FARS2: variants seen among roughly 807,000 people sequenced by gnomAD.
The protein encoded by FARS2 is phenylalanine--tRNA ligase, mitochondrial.
FARS2 carries 40 observed loss-of-function variants against 46.4 expected under a neutral mutation model. The observed-to-expected ratio is 0.86, with a 90% CI of 0.67 to 1.12. The LOEUF (loss-of-function observed/expected upper bound fraction) is 1.12. FARS2 is among the 50% of genes most tolerant of loss of function. FARS2 has a pLI of 0.00. For missense variants in FARS2, 513 were observed against 567.9 expected, an observed-to-expected ratio of 0.90 and a Z score of 0.98; for synonymous variants, 234 against 214.9, an observed-to-expected ratio of 1.09 and a Z score of -0.78.
intron 2 of FARS2, among the ~76,000 whole-genome samples, chr6:5,393,652 C>T (rs1443546503): frequency 6.6e-6 from 1 of 151,280 alleles, no homozygotes; most frequent in Non-Finnish European, 1.5e-5. Context: ...CGAGACTCCA[C>T]CTAAAAAAAA....
chr6:5,593,052 C>T (rs1485372194), intron 5 of FARS2, among the ~76,000 whole-genome samples: 2 of 152,218 alleles, frequency 1.3e-5, no homozygotes, highest in African/African-American at 4.8e-5. Flanking sequence ...TCTCTGCTTT[C>T]TGCCTTATCT....
chr6:5,684,514 CA>C (rs1158241619), intron 6 of FARS2, among the ~76,000 whole-genome samples: 1 of 152,210 alleles, frequency 6.6e-6, no homozygotes, highest in Non-Finnish European at 1.5e-5. Context: ...CCTATGTTAG[CA>C]AATGCTGCGC....
intron 6 of FARS2, among the ~76,000 whole-genome samples, chr6:5,644,981 A>T (rs778663521): frequency 6.6e-6 from 1 of 152,208 alleles, no homozygotes; most frequent in African/African-American, 2.4e-5. Flanking sequence ...CTCAGAGCCG[A>T]CTCAGCACTT....
chr6:5,577,232 G>T (rs1773037903), intron 5 of FARS2, among the ~76,000 whole-genome samples: 1 of 151,990 alleles, frequency 6.6e-6, no homozygotes, highest in East Asian at 1.9e-4. Context: ...GCTTGAGAAG[G>T]TAATTATAGA....
At chr6:5,735,150 C>T (rs946991226) in intron 6 of FARS2, among the ~76,000 whole-genome samples, 9 of 152,218 alleles carry the variant, frequency 5.9e-5, no homozygotes, top group African/African-American at 1.4e-4. Context: ...TTTTACTCTA[C>T]GTACCCCTGG....
intron 3 of FARS2, among the ~76,000 whole-genome samples, chr6:5,405,162 A>G (rs562474900): frequency 2.0e-5 from 3 of 152,238 alleles, no homozygotes; most frequent in African/African-American, 7.2e-5. Context: ...CACGAAATTC[A>G]TTTGTATTTC....
rs1762656288 is a variant in FARS2, at chr6:5,764,601, T to TGAATA, written c.1218-6687_1218-6683dup. 6.6e-6 allele frequency among the ~76,000 whole-genome samples: 1 copy of TGAATA among 152,194 alleles called. No individual in the cohort carries two copies. The highest frequency in any genetic ancestry group is 1.5e-5 in the Non-Finnish European group (1 of 68,030). On this transcript the variant is annotated intron_variant, in intron 6 of 6. Transcript: ENST00000274680. This position sits in a 1 kb window ranked among gnomAD's most constrained non-coding sequence, Gnocchi z 4.1. ...TCTCTCCCGTTGAGTAATCCCTGCA[T>TGAATA]GAATAGATGGCAGCTGCAGTGACTG...
At chr6:5,385,581 C>T (rs1760072775) in intron 2 of FARS2, among the ~76,000 whole-genome samples, 1 of 151,956 alleles carries the variant, frequency 6.6e-6, no homozygotes, top group Non-Finnish European at 1.5e-5. Flanking sequence ...ACTACCATGC[C>T]CAGCTAATTT....
Position 5,370,613 on chromosome 6 carries a change from A to G in FARS2, c.612+1431A>G, listed in dbSNP as rs141853662. 5.9e-5 allele frequency among the ~76,000 whole-genome samples: 9 copies of G among 152,300 alleles called. No individual in the cohort carries two copies. In the South Asian group the frequency reaches 1.0e-3, roughly 18 times the overall value. On this transcript the variant is annotated intron_variant, in intron 2 of 6. Transcript: ENST00000274680. Reference sequence around the variant, plus strand: ...CAGCCCAGCTTACCTCATTAAAGAAATAAGAAAGGACTGTGTGCTCTGATT... The same window carrying G: ...CAGCCCAGCTTACCTCATTAAAGAAGTAAGAAAGGACTGTGTGCTCTGATT...
At chr6:5,750,587 C>T (rs1761889514) in intron 6 of FARS2, among the ~76,000 whole-genome samples, 2 of 152,026 alleles carry the variant, frequency 1.3e-5, no homozygotes, top group African/African-American at 4.8e-5. Context: ...GTTGCAGGTG[C>T]AGGAGGAAGA....
chr6:5,531,046 T>G (rs1328916835), intron 4 of FARS2, among the ~76,000 whole-genome samples: 1 of 152,054 alleles, frequency 6.6e-6, no homozygotes. Flanking sequence ...CTCCAGGCAT[T>G]ATATTCTTGA....
intron 4 of FARS2, among the ~76,000 whole-genome samples, chr6:5,441,141 C>T (rs556717669): frequency 3.4e-4 from 51 of 152,200 alleles, no homozygotes; most frequent in East Asian, 7.7e-4. Context: ...AGGCTGGTCT[C>T]GAACTCCTGA....
intron 5 of FARS2, among the ~76,000 whole-genome samples, chr6:5,583,064 G>C (rs540493103): frequency 6.6e-6 from 1 of 152,264 alleles, no homozygotes; most frequent in Non-Finnish European, 1.5e-5. Context: ...CATTAGACCA[G>C]TGACACCCTC....
At chr6:5,325,496 T>C (rs946280237) in intron 1 of FARS2, among the ~76,000 whole-genome samples, 5 of 152,180 alleles carry the variant, frequency 3.3e-5, no homozygotes, top group Non-Finnish European at 7.3e-5. Context: ...GCCTCCAAGC[T>C]TCAAGCACAA....
At chr6:5,698,955 C>T (rs1446043087) in intron 6 of FARS2, among the ~76,000 whole-genome samples, 3 of 152,174 alleles carry the variant, frequency 2.0e-5, no homozygotes, top group African/African-American at 4.8e-5. Context: ...CGTGTCCTGC[C>T]AACTGCTAAG....
At chr6:5,546,427 T>TC (rs1561702989) in intron 5 of FARS2, among the ~76,000 whole-genome samples, 2 of 151,794 alleles carry the variant, frequency 1.3e-5, no homozygotes, top group Non-Finnish European at 2.9e-5. Context: ...ATTTTGTGTA[T>TC]TTTTAGTAGA....
intron 5 of FARS2, among the ~76,000 whole-genome samples, chr6:5,561,679 G>T (rs1229654614): frequency 6.6e-6 from 1 of 151,904 alleles, no homozygotes; most frequent in African/African-American, 2.4e-5. Flanking sequence ...GGGTATTTTT[G>T]TTCCGGGATT....
At chr6:5,432,157 A>C (rs528395202) in intron 4 of FARS2, among the ~76,000 whole-genome samples, 122 of 149,030 alleles carry the variant, frequency 8.2e-4, no homozygotes, top group Middle Eastern at 3.5e-3. Context: ...GTCTCTACTG[A>C]AAATACAAAA....
intron 4 of FARS2, among the ~76,000 whole-genome samples, chr6:5,491,073 C>T (rs899336268): frequency 6.6e-6 from 1 of 152,216 alleles, no homozygotes; most frequent in Non-Finnish European, 1.5e-5. Flanking sequence ...GTTCCATCTT[C>T]TCCATACCCT....
Sources: gnomAD v4.1 joint callset for allele counts (sites outside exome capture counted in the v4.1 genomes callset) on GRCh38, gnomAD v4.1.1 for gene constraint, Gnocchi (gnomAD v3.1) non-coding constraint, MANE v1.5 for transcripts, NCBI Gene and HGNC (gene_info 2026-07-23, HGNC 2026-07-21) for gene names.